The following RNF14 variants were observed in gnomAD, a reference collection of about 807,000 sequenced individuals.
RNF14 encodes the protein ring finger protein 14.
In RNF14, 26 loss-of-function variants were observed where a neutral mutation model predicts 52.6. The ratio of observed to expected loss-of-function variants is 0.49; its 90% CI spans 0.36 to 0.69. The LOEUF is 0.69. Ranked by LOEUF, RNF14 falls within the 30% of genes least tolerant of loss-of-function variation. The probability of loss-of-function intolerance (pLI) is 0.00; values close to 1 mark genes in which losing one functional copy is unlikely to be tolerated. For synonymous variants in RNF14, 194 were observed against 202.0 expected (o/e 0.96, Z 0.34); for missense variants, 404 against 560.4 (o/e 0.72, Z 2.82).
At chr5:141,978,254 C>T (rs1407912806) in intron 4 of RNF14, 49 bp from the exon 5 acceptor site, 1 of 1,488,080 alleles carries the variant, frequency 6.7e-7, no homozygotes, top group South Asian at 1.4e-5. Context: ...GAGTTGGCAG[C>T]AGCATCATCT....
In RNF14 at chr5:141,980,323, TG is replaced by T; in HGVS notation, c.1039del (p.Val347SerfsTer6). ...GTACTTTGTGCAGGTTGACCTACCA[TG>T]GGGTCTCCCCATGTAAGGTGACTGC... ...FCTLCRLTYH[G>X]VSPCKVTAEK... On this transcript the variant is annotated frameshift_variant, in exon 6 of 9. Coordinates refer to ENST00000394520, the MANE Select transcript of RNF14 (RefSeq NM_004290.5). LOFTEE classifies it high-confidence loss of function. The T allele has an allele frequency of 6.2e-7, 1 of 1,614,130 alleles. No individual in the cohort carries two copies.
upstream of RNF14, chr5:141,955,868 T>G: frequency 6.2e-7 from 1 of 1,614,168 alleles, no homozygotes; most frequent in Non-Finnish European, 8.5e-7. This position sits in a 1 kb window ranked among gnomAD's most constrained non-coding sequence, Gnocchi z 5.5. Flanking sequence ...CTGCTGGCAT[T>G]GGTGACATTG....
upstream of RNF14, chr5:141,955,616 C>G: frequency 6.2e-7 from 1 of 1,614,142 alleles, no homozygotes; most frequent in Admixed American, 1.7e-5. The surrounding 1 kb of genome is among the most constrained non-coding windows in gnomAD (Gnocchi z 5.5). Context: ...GCCCTGTTGT[C>G]CTTCTTTTCT....
At chr5:141,949,510 G>T in the RNF14 span, 104 of 1,614,006 alleles carry the variant, frequency 6.4e-5, no homozygotes, top group Admixed American at 5.0e-5. Flanking sequence ...GGATCCAAAG[G>T]CCCTTCCTCC....
At position 141,980,207 on chromosome 5, in the gene RNF14, G is replaced by T; in HGVS notation, c.919G>T (p.Val307Leu). Residue 307 changes from valine (V) to leucine (L), a missense_variant, in exon 6 of 9, where the codon GTG becomes TTG. Coordinates refer to ENST00000394520, the MANE Select transcript of RNF14 (RefSeq NM_004290.5). ...CTCCTTGGACCTGATGGCAGATGTG[G>T]TGTACTGCCCCCGGCCGTGCTGCCA... The part of the protein sequence containing the change: ...QSSLDLMADV[V>L]YCPRPCCQLP... 1 of 1,614,192 alleles carries T rather than the reference G, an allele frequency of 6.2e-7. No individual in the cohort carries two copies. Among genetic ancestry groups the T allele is most frequent in the Non-Finnish European group, 8.5e-7 (1 of 1,180,030 alleles).
upstream of RNF14, chr5:141,956,158 A>G (rs1447195580): frequency 3.7e-6 from 6 of 1,613,958 alleles, no homozygotes; most frequent in Non-Finnish European, 4.2e-6. Flanking sequence ...AGGCTGGACC[A>G]CCTCTGGGGC....
In RNF14 at chr5:141,987,976, G is replaced by A. The variant is rs1755393170; in HGVS notation, c.*186G>A. On this transcript the variant is annotated 3_prime_UTR_variant, in exon 9 of 9. Transcript: ENST00000394520. The stretch of plus-strand genomic sequence containing the variant: ...AAGGTGCATTGATACATTTTTAAAT[G>A]TAAGTTGAGAAAAATTTATAAGCCA... 5.4e-6 allele frequency: 3 copies of A among 559,870 alleles called. No homozygotes were observed. Among genetic ancestry groups the A allele is most frequent in the Non-Finnish European group, 9.5e-6 (3 of 316,010 alleles). 34.7% of individuals were successfully genotyped at this position (559,870 alleles called of 1,614,324 possible). A position where few individuals can be genotyped will look rare whatever the true frequency, so the allele number is the denominator to read the frequency against.
At chr5:141,955,852 A>G (rs140158416), upstream of RNF14, 331 of 1,614,066 alleles carry the variant, frequency 2.1e-4, 2 homozygotes, top group South Asian at 1.3e-3. The surrounding 1 kb of genome is among the most constrained non-coding windows in gnomAD (Gnocchi z 5.5). Flanking sequence ...CTCACTCCCA[A>G]TGAGGCTGCT....
At chr5:141,983,299 C>T (rs775112765) in intron 6 of RNF14, 81 bp from the exon 7 acceptor site, 83 of 1,111,440 alleles carry the variant, frequency 7.5e-5, no homozygotes, top group Admixed American at 7.4e-5. Flanking sequence ...ATTGAATAGT[C>T]GAAGATTATA....
the RNF14 span, among the ~76,000 whole-genome samples, chr5:141,952,173 G>A: frequency 6.6e-6 from 1 of 152,182 alleles, no homozygotes; most frequent in Non-Finnish European, 1.5e-5. Flanking sequence ...GGTCACATCT[G>A]TCAGGATGTG....
At chr5:141,949,634 C>A in the RNF14 span, 1 of 1,576,930 alleles carries the variant, frequency 6.3e-7, no homozygotes. Flanking sequence ...CATATAGATT[C>A]ATTCATTCAT....
At chr5:141,974,982 A>G (rs769070428) in intron 4 of RNF14, 27 bp downstream of exon 4, 3 of 1,606,386 alleles carry the variant, frequency 1.9e-6, no homozygotes, top group East Asian at 2.2e-5. Flanking sequence ...AATTTTTCCT[A>G]TCCATTTTTA....
At chr5:141,985,649 G>A (rs543790187) in intron 8 of RNF14, among the ~76,000 whole-genome samples, 28 of 152,152 alleles carry the variant, frequency 1.8e-4, no homozygotes, top group Non-Finnish European at 3.7e-4. Flanking sequence ...TCCGCCTCCC[G>A]GGTTCATGCC....
At chr5:141,958,035 A>G, upstream of RNF14, 1 of 662,800 alleles carries the variant, frequency 1.5e-6, no homozygotes, top group East Asian at 2.8e-5. Context: ...GGCCATCTTC[A>G]TTGGAAGCGA....
upstream of RNF14, chr5:141,953,406 C>G (rs1235923615): frequency 6.6e-6 from 1 of 152,192 alleles, no homozygotes; most frequent in African/African-American, 2.4e-5. Context: ...TCATTTAATT[C>G]TTACAACAGC....
At chr5:141,955,016 G>A (rs775129851), upstream of RNF14, 6 of 1,614,024 alleles carry the variant, frequency 3.7e-6, no homozygotes, top group East Asian at 4.5e-5. This position sits in a 1 kb window ranked among gnomAD's most constrained non-coding sequence, Gnocchi z 5.5. Flanking sequence ...ACGGGGTTCC[G>A]CTCGGCGAAG....
At chr5:141,968,705 T>C (rs1596657699), upstream of RNF14, among the ~76,000 whole-genome samples, 1 of 152,344 alleles carries the variant, frequency 6.6e-6, no homozygotes, top group East Asian at 1.9e-4. Flanking sequence ...GTTACAGTTA[T>C]AACATGAGCG....
chr5:141,957,616 A>G (rs760065809), upstream of RNF14: 51 of 1,614,120 alleles, frequency 3.2e-5, 1 homozygote, highest in Non-Finnish European at 9.3e-6. This position sits in a 1 kb window ranked among gnomAD's most constrained non-coding sequence, Gnocchi z 4.3. Context: ...CTCAGAGTCC[A>G]CCTGAATGGG....
chr5:141,975,493 G>T (rs944505064), intron 4 of RNF14, among the ~76,000 whole-genome samples: 4 of 152,172 alleles, frequency 2.6e-5, no homozygotes, highest in African/African-American at 9.7e-5. Context: ...GTAGAAATGT[G>T]TATAGTTCCT....
Sources: gnomAD v4.1 joint callset for allele counts (sites outside exome capture counted in the v4.1 genomes callset) on GRCh38, gnomAD v4.1.1 for gene constraint, Gnocchi (gnomAD v3.1) non-coding constraint, MANE v1.5 for transcripts, NCBI Gene and HGNC (gene_info 2026-07-23, HGNC 2026-07-21) for gene names.